Variants in SDK1 observed in about 807,000 individuals in gnomAD.
The protein encoded by SDK1 is sidekick cell adhesion molecule 1, also known as protein sidekick-1.
Under a neutral mutation model 245.5 loss-of-function variants are expected in SDK1, and 157 were observed. That is an observed-to-expected ratio of 0.64 (90% confidence interval 0.56 to 0.73). The LOEUF (loss-of-function observed/expected upper bound fraction) is 0.73, where lower values mean the gene tolerates loss of function less well. Ranked by LOEUF, SDK1 falls within the 30% of genes least tolerant of loss-of-function variation. SDK1 has a pLI of 0.00. For missense variants in SDK1, 3,583 were observed against 3,002.3 expected, an observed-to-expected ratio of 1.19 and a Z score of -4.52; for synonymous variants, 1,647 against 1,278.5, an observed-to-expected ratio of 1.29 and a Z score of -6.15.
At chr7:3,894,247 T>C (rs1781538873) in intron 5 of SDK1, among the ~76,000 whole-genome samples, 1 of 152,218 alleles carries the variant, frequency 6.6e-6, no homozygotes, top group Non-Finnish European at 1.5e-5. Flanking sequence ...TACTTCTCCC[T>C]GTAACTTAAG....
intron 5 of SDK1, among the ~76,000 whole-genome samples, chr7:3,907,578 C>G (rs186106771): frequency 6.6e-6 from 1 of 152,140 alleles, no homozygotes; most frequent in African/African-American, 2.4e-5. Flanking sequence ...AGTGAACATT[C>G]GTGTACAAGT....
chr7:3,564,495 T>G (rs953738751), intron 1 of SDK1, among the ~76,000 whole-genome samples: 2 of 151,852 alleles, frequency 1.3e-5, no homozygotes, highest in Non-Finnish European at 2.9e-5. Context: ...AAAAAAAAAT[T>G]TATTTTAATA....
At chr7:3,535,486 T>G (rs1024896320) in intron 1 of SDK1, among the ~76,000 whole-genome samples, 3 of 152,188 alleles carry the variant, frequency 2.0e-5, no homozygotes, top group South Asian at 2.1e-4. Flanking sequence ...GAAAGCTGGC[T>G]GGGGACCCAG....
intron 1 of SDK1, among the ~76,000 whole-genome samples, chr7:3,511,852 T>G (rs1454769617): frequency 6.7e-6 from 1 of 149,578 alleles, no homozygotes; most frequent in African/African-American, 2.5e-5. Context: ...ATTGAGTAGC[T>G]GGTACACTGA....
intron 1 of SDK1, among the ~76,000 whole-genome samples, chr7:3,355,254 G>C (rs1476960344): frequency 1.3e-5 from 2 of 152,166 alleles, no homozygotes; most frequent in Non-Finnish European, 2.9e-5. Context: ...GTAGATTATG[G>C]AGTTACTTTT....
intron 2 of SDK1, among the ~76,000 whole-genome samples, chr7:3,620,945 AT>A (rs1781919702): frequency 6.6e-6 from 1 of 152,162 alleles, no homozygotes; most frequent in African/African-American, 2.4e-5. Flanking sequence ...GCATGTTGAA[AT>A]CAAACAGTCC....
At chr7:3,613,815 G>T (rs1223957476) in intron 1 of SDK1, among the ~76,000 whole-genome samples, 1 of 152,188 alleles carries the variant, frequency 6.6e-6, no homozygotes, top group Non-Finnish European at 1.5e-5. Context: ...TGCAGATCAT[G>T]TCCTTTGCAG....
intron 1 of SDK1, among the ~76,000 whole-genome samples, chr7:3,372,032 T>A (rs1781240677): frequency 6.6e-6 from 1 of 152,216 alleles, no homozygotes. Context: ...TCAGTAACTG[T>A]CATCAGCTAC....
intron 4 of SDK1, among the ~76,000 whole-genome samples, chr7:3,673,113 G>T (rs183091751): frequency 2.0e-5 from 3 of 152,074 alleles, no homozygotes; most frequent in Admixed American, 2.0e-4. Flanking sequence ...GTAAGGCAGC[G>T]GTTCCTCAAT....
chr7:3,903,186 C>G (rs1296230993), intron 5 of SDK1, among the ~76,000 whole-genome samples: 1 of 150,522 alleles, frequency 6.6e-6, no homozygotes, highest in Non-Finnish European at 1.5e-5. Context: ...CTCCGTCGCT[C>G]AGGCTAGAGT....
intron 5 of SDK1, among the ~76,000 whole-genome samples, chr7:3,876,668 C>CT (rs1781085494): frequency 6.6e-6 from 1 of 152,046 alleles, no homozygotes; most frequent in Admixed American, 6.6e-5. Context: ...TATAGTAGAC[C>CT]TTAAGTGGCC....
At chr7:4,259,122 C>T (rs766769552) in intron 44 of SDK1, among the ~76,000 whole-genome samples, 5 of 152,124 alleles carry the variant, frequency 3.3e-5, no homozygotes, top group African/African-American at 9.7e-5. Flanking sequence ...CACCTCAAGG[C>T]CCCTAGAAAA....
intron 1 of SDK1, among the ~76,000 whole-genome samples, chr7:3,541,096 C>G (rs1295375315): frequency 1.3e-5 from 2 of 152,324 alleles, no homozygotes; most frequent in Admixed American, 6.5e-5. Flanking sequence ...TAAACTTGAT[C>G]TGTGTTTCTT....
chr7:4,114,306 A>G (rs1241899472), intron 25 of SDK1, 32 bp downstream of exon 25: 1 of 1,524,360 alleles, frequency 6.6e-7, no homozygotes, highest in Non-Finnish European at 8.9e-7. Flanking sequence ...TCCTGGAGAC[A>G]CCGCATTAGA....
chr7:4,067,080 A>G (rs956646690), intron 19 of SDK1, among the ~76,000 whole-genome samples: 1 of 152,122 alleles, frequency 6.6e-6, no homozygotes, highest in Non-Finnish European at 1.5e-5. Flanking sequence ...TTTTATTACA[A>G]TTTATTCTTA....
At chr7:3,462,824 G>A (rs142074599) in intron 1 of SDK1, among the ~76,000 whole-genome samples, 5 of 152,234 alleles carry the variant, frequency 3.3e-5, no homozygotes, top group Non-Finnish European at 7.4e-5. Flanking sequence ...ATCCATTGTG[G>A]TTCTTTCTAG....
chr7:4,208,125 G>C lies in SDK1; in HGVS notation c.5241G>C (p.Gln1747His). Residue 1747 changes from glutamine to histidine, a missense_variant, in exon 37 of 45, where the codon CAG becomes CAC. Physicochemically the swap from Gln to His is conservative, Grantham distance 24. Coordinates refer to ENST00000404826, the MANE Select transcript of SDK1 (RefSeq NM_152744.4). Reference sequence around the variant, plus strand: ...TTTACTACTGGGAGGCAGACAGCCAGAACGAAACGGAGAAAATGAAGGTCC... The same window carrying C: ...TTTACTACTGGGAGGCAGACAGCCACAACGAAACGGAGAAAATGAAGGTCC... ...YKIYYWEADS[Q>H]NETEKMKVLF... The C allele has an allele frequency of 1.2e-6, 2 of 1,613,826 alleles. No homozygotes were observed.
chr7:3,642,224 A>G, intron 4 of SDK1, 119 bp downstream of exon 4: 3 of 860,870 alleles, frequency 3.5e-6, no homozygotes, highest in Non-Finnish European at 5.3e-6. Context: ...AAACTAGTCT[A>G]GGAGTCCTAT....
Position 3,469,863 on chromosome 7 carries a change from G to A in SDK1, c.299-149217G>A, listed in dbSNP as rs917966976. On this transcript the variant is annotated intron_variant, in intron 1 of 44. Transcript: ENST00000404826. ...CTTCCTAAGATTTCAGATCAGGTAGGTAAAGTGTTTCTCTGAATTAAGACA... is the reference window on the plus strand; with the variant it reads ...CTTCCTAAGATTTCAGATCAGGTAGATAAAGTGTTTCTCTGAATTAAGACA... Among the ~76,000 whole-genome samples the A allele has an allele frequency of 9.2e-5, 14 of 152,148 alleles. 1 individual carries two copies. Among genetic ancestry groups the A allele is most frequent in the Admixed American group, 5.9e-4 (9 of 15,270 alleles).
Sources: gnomAD v4.1 joint callset for allele counts (sites outside exome capture counted in the v4.1 genomes callset) on GRCh38, gnomAD v4.1.1 for gene constraint, MANE v1.5 for transcripts, NCBI Gene and HGNC (gene_info 2026-07-23, HGNC 2026-07-21) for gene names.